Variants in PCDHGA6 observed in about 807,000 individuals in gnomAD.
The protein encoded by PCDHGA6 is protocadherin gamma subfamily A, 6.
PCDHGA6 carries 41 observed loss-of-function variants against 60.6 expected under a neutral mutation model. That is an observed-to-expected ratio of 0.68 (90% CI 0.53 to 0.88). The LOEUF (loss-of-function observed/expected upper bound fraction) is 0.88. Among genes scored for constraint, PCDHGA6 ranks in the 40% least tolerant of loss-of-function variants. PCDHGA6 has a pLI of 0.00. For missense variants in PCDHGA6, 1,312 were observed against 1,203.0 expected (o/e 1.09, Z -1.34); for synonymous variants, 594 against 524.4 (o/e 1.13, Z -1.81).
chr5:141,500,062 TAA>T (rs1314388217), intron 2 of PCDHGA6, among the ~76,000 whole-genome samples: 1 of 152,144 alleles, frequency 6.6e-6, no homozygotes, highest in East Asian at 1.9e-4. Flanking sequence ...TCTTTTAATG[TAA>T]AAGACTTCCC....
intron 1 of PCDHGA6, chr5:141,410,127 T>A (rs761667108): frequency 3.7e-6 from 6 of 1,612,926 alleles, no homozygotes; most frequent in Non-Finnish European, 5.1e-6. Context: ...CGCCAGCGCC[T>A]GCTGGTCGCT....
chr5:141,469,603 GTAAAA>G (rs929191572), intron 1 of PCDHGA6, among the ~76,000 whole-genome samples: 9 of 152,038 alleles, frequency 5.9e-5, no homozygotes, highest in Admixed American at 1.3e-4. Context: ...AACAAAATAA[GTAAAA>G]TAAAATAAAT....
rs576937130 is a variant in PCDHGA6 at position 141,427,508 on chromosome 5, G to A, written c.2424+51001G>A. ...ATAAGCTTGTAACAGATGGGACCCT[G>A]GATTGGGAGCGGATCCCGGAGTACA... On this transcript the variant is annotated intron_variant, in intron 1 of 3. Transcript: ENST00000517434. 9.9e-4 allele frequency: 584 copies of A among 587,058 alleles called. 6 individuals carry two copies. The highest frequency in any genetic ancestry group is 3.0e-4 in the Non-Finnish European group (94 of 311,294). The allele number at this position is 587,058 out of a possible 1,614,324, so 36.4% of individuals were successfully genotyped here.
At chr5:141,423,742 A>C in intron 1 of PCDHGA6, 1 of 514,328 alleles carries the variant, frequency 1.9e-6, no homozygotes, top group Non-Finnish European at 2.4e-6. Context: ...CCTGTTATGA[A>C]AACTGTTTGG....
intron 1 of PCDHGA6, chr5:141,399,118 A>G: frequency 6.2e-7 from 1 of 1,613,822 alleles, no homozygotes; most frequent in Non-Finnish European, 8.5e-7. Context: ...TACAGTTGAA[A>G]TTAATATTCA....
chr5:141,384,356 A>G, intron 1 of PCDHGA6: 3 of 1,613,862 alleles, frequency 1.9e-6, no homozygotes, highest in Non-Finnish European at 1.7e-6. Flanking sequence ...GATAATGCCC[A>G]GATCACTTAT....
Position 141,486,486 on chromosome 5 carries a change from A to G in PCDHGA6, c.2425-8321A>G. The G allele has an allele frequency of 6.2e-7, 1 of 1,614,056 alleles. No individual in the cohort carries two copies. Among genetic ancestry groups the G allele is most frequent in the South Asian group, 1.1e-5 (1 of 91,084 alleles). ...GCTGGGAACCCTCCTCTCAGTACCC[A>G]CAGAACTATTTTCCTCAATATTTCA... On this transcript the variant is annotated intron_variant, in intron 1 of 3. Coordinates refer to ENST00000517434, the MANE Select transcript of PCDHGA6 (RefSeq NM_018919.3). The surrounding 1 kb of genome is among the most constrained non-coding windows in gnomAD (Gnocchi z 5.0).
At chr5:141,499,021 GAAGGAAGA>G (rs1193940810) in intron 2 of PCDHGA6, among the ~76,000 whole-genome samples, 2 of 140,162 alleles carry the variant, frequency 1.4e-5, no homozygotes, top group East Asian at 2.1e-4. Flanking sequence ...AGGAAGGAAG[GAAGGAAGA>G]AAAGAAAGAA....
chr5:141,385,573 C>T lies in PCDHGA6; in HGVS notation c.2424+9066C>T, dbSNP rs576834153. 10 of 1,295,026 alleles carry T rather than the reference C, an allele frequency of 7.7e-6. No individual in the cohort carries two copies. In the East Asian group the frequency reaches 2.7e-4, roughly 35 times the overall value. The allele number at this position is 1,295,026 out of a possible 1,614,324, so 80.2% of individuals were successfully genotyped here. On this transcript the variant is annotated intron_variant, in intron 1 of 3. Coordinates refer to ENST00000517434, the MANE Select transcript of PCDHGA6 (RefSeq NM_018919.3). Reference sequence around the variant, plus strand: ...ACATTTTATAATTTCCACCTACTTTCCAATCTATGTTCCAACCTACTTTCT... The same window carrying T: ...ACATTTTATAATTTCCACCTACTTTTCAATCTATGTTCCAACCTACTTTCT...
At chr5:141,408,111 C>A (rs1477598232) in intron 1 of PCDHGA6, 7 of 1,455,108 alleles carry the variant, frequency 4.8e-6, no homozygotes, top group African/African-American at 4.3e-5. Context: ...ACCCGGGACT[C>A]CTCCTGTCCT....
At chr5:141,469,792 A>G (rs989190786) in intron 1 of PCDHGA6, among the ~76,000 whole-genome samples, 1 of 152,194 alleles carries the variant, frequency 6.6e-6, no homozygotes, top group African/African-American at 2.4e-5. Flanking sequence ...GTTATTTGTA[A>G]TTGCAAAAAC....
intron 2 of PCDHGA6, among the ~76,000 whole-genome samples, chr5:141,501,966 C>A (rs1046026111): frequency 1.3e-5 from 2 of 152,118 alleles, no homozygotes; most frequent in African/African-American, 4.8e-5. Context: ...ATCCTCCTAA[C>A]CTCTGGCATC....
rs115607451 is a variant in PCDHGA6, at chr5:141,508,636, A to C, written c.2573-2311A>C. Among the ~76,000 whole-genome samples, 998 of 151,746 alleles carry C rather than the reference A, an allele frequency of 6.6e-3. 12 individuals are homozygous for C. The highest frequency in any genetic ancestry group is 0.023 in the African/African-American group (958 of 41,372). ...ACGTGGGTGGGCCGAGCTTCTAGCT[A>C]CTCCGTCAGGCCCTTCCTGTCATTC... On this transcript the variant is annotated intron_variant, in intron 3 of 3. Transcript: ENST00000517434.
At chr5:141,417,994 G>T (rs369226139) in intron 1 of PCDHGA6, 231 of 1,613,766 alleles carry the variant, frequency 1.4e-4, no homozygotes, top group Non-Finnish European at 1.8e-4. Flanking sequence ...CCAAGGGCTC[G>T]GTGGTGGGGA....
chr5:141,485,259 G>C lies in PCDHGA6; in HGVS notation c.2425-9548G>C. ...TTTTACCACCTGGGTTACGTTTGTGGGCAGATCCGCTACCCGGTCCCAGAG... is the reference window on the plus strand; with the variant it reads ...TTTTACCACCTGGGTTACGTTTGTGCGCAGATCCGCTACCCGGTCCCAGAG... On this transcript the variant is annotated intron_variant, in intron 1 of 3. Coordinates refer to ENST00000517434, the MANE Select transcript of PCDHGA6 (RefSeq NM_018919.3). The surrounding 1 kb of genome is among the most constrained non-coding windows in gnomAD (Gnocchi z 5.7). 1.2e-6 allele frequency: 2 copies of C among 1,614,136 alleles called. No homozygotes were observed. The highest frequency in any genetic ancestry group is 1.7e-6 in the Non-Finnish European group (2 of 1,180,002).
chr5:141,496,772 T>C (rs994207358), intron 2 of PCDHGA6, among the ~76,000 whole-genome samples: 9 of 152,008 alleles, frequency 5.9e-5, no homozygotes, highest in African/African-American at 1.2e-4. Flanking sequence ...GCATCTACTA[T>C]GAGCAGGGCC....
At chr5:141,382,772 C>G (rs1778420393) in intron 1 of PCDHGA6, 1 of 776,996 alleles carries the variant, frequency 1.3e-6, no homozygotes, top group Non-Finnish European at 2.0e-6. Context: ...CCAGGCTGCA[C>G]TAAACTCAAG....
In PCDHGA6 at chr5:141,375,801, C is replaced by T; in HGVS notation, c.1718C>T (p.Thr573Ile). Reference protein sequence around the residue: ...LYPALPTDGSTGVELAPRSAE... With the variant: ...LYPALPTDGSIGVELAPRSAE... ...CCCGCCCTCCCCACAGACGGTTCCA[C>T]TGGCGTGGAGCTGGCGCCCCGCTCC... The change falls in exon 1 of 4, where the codon ACT becomes ATT. Residue 573 changes from threonine (T) to isoleucine (I), a missense_variant. Transcript: ENST00000517434. The T allele has an allele frequency of 2.5e-6, 4 of 1,614,248 alleles. No homozygotes were observed. The East Asian group carries it at 8.9e-5, about 36-fold the overall frequency.
At chr5:141,387,768 T>G (rs892776132) in intron 1 of PCDHGA6, 1 of 1,435,344 alleles carries the variant, frequency 7.0e-7, no homozygotes, top group African/African-American at 1.4e-5. Context: ...AGAAGAATTT[T>G]TTCTTGAACT....
Sources: allele counts gnomAD v4.1 joint callset (sites outside exome capture counted in the v4.1 genomes callset), GRCh38; gene constraint gnomAD v4.1.1; non-coding constraint Gnocchi (gnomAD v3.1); transcripts MANE v1.5; gene names NCBI Gene and HGNC (gene_info 2026-07-23, HGNC 2026-07-21).